The following GRIK1 variants were observed in gnomAD, a reference collection of about 807,000 sequenced individuals.
The protein encoded by GRIK1 is glutamate receptor ionotropic, kainate 1.
In GRIK1, 69 loss-of-function variants were observed where a neutral mutation model predicts 105.7. That is an observed-to-expected ratio of 0.65 (90% confidence interval 0.54 to 0.80). The LOEUF (loss-of-function observed/expected upper bound fraction) is 0.80. Among genes scored for constraint, GRIK1 ranks in the 30% least tolerant of loss-of-function variants. The pLI is 0.00. For missense variants in GRIK1, 1,109 were observed against 1,167.3 expected (o/e 0.95, Z 0.73); for synonymous variants, 438 against 431.3 (o/e 1.02, Z -0.19).
At chr21:29,732,788 T>A (rs1357124534) in intron 1 of GRIK1, among the ~76,000 whole-genome samples, 1 of 152,146 alleles carries the variant, frequency 6.6e-6, no homozygotes, top group African/African-American at 2.4e-5. Context: ...ACAAATGGGA[T>A]CTGAATTTCC....
intron 1 of GRIK1, among the ~76,000 whole-genome samples, chr21:29,936,100 C>G (rs2071742379): frequency 6.6e-6 from 1 of 152,176 alleles, no homozygotes; most frequent in Non-Finnish European, 1.5e-5. Context: ...ATAACCCTCA[C>G]TCACTCATTG....
At chr21:29,919,872 G>T (rs185939454) in intron 1 of GRIK1, among the ~76,000 whole-genome samples, 2 of 152,168 alleles carry the variant, frequency 1.3e-5, no homozygotes, top group Admixed American at 1.3e-4. Context: ...TAAACAGTGA[G>T]GACCTCTTTG....
intron 1 of GRIK1, among the ~76,000 whole-genome samples, chr21:29,866,043 A>G (rs1281835800): frequency 6.6e-6 from 1 of 152,098 alleles, no homozygotes; most frequent in Non-Finnish European, 1.5e-5. Context: ...TTCCATGTTT[A>G]TCATCAGTAC....
chr21:29,712,820 A>T (rs1418192398), intron 1 of GRIK1, among the ~76,000 whole-genome samples: 1 of 151,826 alleles, frequency 6.6e-6, no homozygotes, highest in African/African-American at 2.4e-5. Context: ...ACTTCTTTTG[A>T]CCTCTTTTTC....
At chr21:29,562,898 G>A (rs956338020) in intron 14 of GRIK1, among the ~76,000 whole-genome samples, 9 of 144,360 alleles carry the variant, frequency 6.2e-5, no homozygotes, top group African/African-American at 2.3e-4. Flanking sequence ...TTTTGCTAAA[G>A]TATACTGCCT....
chr21:29,811,403 T>C, intron 1 of GRIK1, among the ~76,000 whole-genome samples: 1 of 152,212 alleles, frequency 6.6e-6, no homozygotes, highest in Non-Finnish European at 1.5e-5. Context: ...CATTATATTG[T>C]GGGCATACAA....
intron 16 of GRIK1, chr21:29,553,792 A>C (rs901499499): frequency 5.5e-6 from 5 of 909,588 alleles, no homozygotes; most frequent in Non-Finnish European, 8.4e-6. Flanking sequence ...TTTACATCAC[A>C]TGAAGCTGGC....
chr21:29,668,422 C>A (rs746929522), intron 4 of GRIK1, among the ~76,000 whole-genome samples: 3 of 151,980 alleles, frequency 2.0e-5, no homozygotes, highest in Admixed American at 6.6e-5. Context: ...ATTTGGCAAC[C>A]GCAAGTGCAA....
intron 1 of GRIK1, among the ~76,000 whole-genome samples, chr21:29,925,250 A>G (rs1324682246): frequency 2.6e-5 from 4 of 152,098 alleles, no homozygotes; most frequent in African/African-American, 9.7e-5. Context: ...AAAAACCTAT[A>G]ATTTGTTTAA....
intron 1 of GRIK1, among the ~76,000 whole-genome samples, chr21:29,712,083 T>TACACACACACAC (rs56017389): frequency 0.061 from 8,305 of 135,110 alleles, 327 homozygotes; most frequent in Non-Finnish European, 0.085. Flanking sequence ...TATACATACA[T>TACACACACACAC]ACACACACAC....
chr21:29,610,472 G>C (rs1436687588), intron 7 of GRIK1, among the ~76,000 whole-genome samples: 2 of 152,116 alleles, frequency 1.3e-5, no homozygotes, highest in Non-Finnish European at 2.9e-5. Context: ...AAGACAGAGA[G>C]AAAGAGACTG....
At position 29,858,282 on chromosome 21, in the gene GRIK1, C is replaced by T. The variant is rs140041633; in HGVS notation, c.118+81101G>A. On this transcript the variant is annotated intron_variant, in intron 1 of 17. Transcript: ENST00000327783. ...TGAGAAGGTGACAATGAAGAATGAC[C>T]CTCTCTCCACTCAGAGAAGGCTGGA... is the stretch of plus-strand genomic sequence containing the variant. Among the ~76,000 whole-genome samples the T allele has an allele frequency of 1.4e-3, 212 of 152,102 alleles. 1 individual carries two copies. The highest frequency in any genetic ancestry group is 5.1e-3 in the African/African-American group (210 of 41,508).
At chr21:29,575,848 C>CA (rs1370705263) in intron 14 of GRIK1, among the ~76,000 whole-genome samples, 1 of 151,770 alleles carries the variant, frequency 6.6e-6, no homozygotes, top group South Asian at 2.1e-4. Context: ...AAAAACAAAA[C>CA]AAAAAAACAG....
At chr21:29,794,668 T>C (rs2066508721) in intron 1 of GRIK1, among the ~76,000 whole-genome samples, 1 of 152,202 alleles carries the variant, frequency 6.6e-6, no homozygotes, top group Non-Finnish European at 1.5e-5. Flanking sequence ...TATGTACTGA[T>C]TTTTCCAGGT....
At chr21:29,565,843 C>T (rs533701142) in intron 14 of GRIK1, among the ~76,000 whole-genome samples, 1 of 152,290 alleles carries the variant, frequency 6.6e-6, no homozygotes, top group South Asian at 2.1e-4. Flanking sequence ...TAGACCAACC[C>T]CTTCCTATCA....
At chr21:29,657,649 T>C (rs1372671506) in intron 4 of GRIK1, 2 of 152,226 alleles carry the variant, frequency 1.3e-5, no homozygotes, top group South Asian at 2.1e-4. Context: ...ATCATTGGCC[T>C]GTCAACTTTG....
intron 1 of GRIK1, among the ~76,000 whole-genome samples, chr21:29,839,170 C>A (rs1230885453): frequency 6.6e-6 from 1 of 152,144 alleles, no homozygotes; most frequent in Admixed American, 6.5e-5. Context: ...CTGCCTCAGC[C>A]TTCCATGTAG....
intron 1 of GRIK1, among the ~76,000 whole-genome samples, chr21:29,697,960 C>CCTTT (rs1174471893): frequency 2.0e-5 from 2 of 98,992 alleles, no homozygotes. Flanking sequence ...TTTCTTTCTT[C>CCTTT]CTTTCTTTCT....
chr21:29,810,394 T>C (rs1415759535), intron 1 of GRIK1, among the ~76,000 whole-genome samples: 11 of 147,130 alleles, frequency 7.5e-5, no homozygotes, highest in Non-Finnish European at 1.6e-4. Context: ...AGATACAAAG[T>C]GAGCACATTG....
Sources: allele counts gnomAD v4.1 joint callset (sites outside exome capture counted in the v4.1 genomes callset), GRCh38; gene constraint gnomAD v4.1.1; transcripts MANE v1.5; gene names NCBI Gene and HGNC (gene_info 2026-07-23, HGNC 2026-07-21).